NUBPL: variants seen among roughly 807,000 people sequenced by gnomAD.
NUBPL encodes the protein NUBP iron-sulfur cluster assembly factor, mitochondrial.
A neutral mutation model predicts 45.7 loss-of-function variants in NUBPL; 31 were observed. The observed-to-expected ratio is 0.68, with a 90% CI of 0.51 to 0.92. The LOEUF (loss-of-function observed/expected upper bound fraction) is 0.92. Ranked by LOEUF, NUBPL falls within the 40% of genes least tolerant of loss-of-function variation. The probability of loss-of-function intolerance (pLI) is 0.00; values close to 1 mark genes in which losing one functional copy is unlikely to be tolerated. For missense variants in NUBPL, 401 were observed against 398.7 expected (o/e 1.01, Z -0.05); for synonymous variants, 144 against 140.9 (o/e 1.02, Z -0.15).
chr14:31,742,680 T>G (rs910348445), intron 6 of NUBPL, among the ~76,000 whole-genome samples: 1 of 152,160 alleles, frequency 6.6e-6, no homozygotes, highest in Non-Finnish European at 1.5e-5. Context: ...CTCAGCTCAC[T>G]GCAACCTCCA....
intron 4 of NUBPL, among the ~76,000 whole-genome samples, chr14:31,659,137 G>T (rs2139764317): frequency 6.6e-6 from 1 of 152,274 alleles, no homozygotes; most frequent in Middle Eastern, 3.4e-3. Context: ...GCCCCATAAG[G>T]CTGTTGTAAG....
rs552578214 is a variant in NUBPL at position 31,601,730 on chromosome 14, C to G, written c.382+2351C>G. Among the ~76,000 whole-genome samples the G allele has an allele frequency of 1.4e-4, 22 of 152,258 alleles. No individual in the cohort carries two copies. The East Asian group carries it at 2.1e-3, about 15-fold the overall frequency. On this transcript the variant is annotated intron_variant, in intron 4 of 10. Coordinates refer to ENST00000281081, the MANE Select transcript of NUBPL (RefSeq NM_025152.3). ...ATTAGAATGGCAGTCATTAAAAAGT[C>G]AGGAAACAACAGGTGCTGGAGAGGA... is the stretch of plus-strand genomic sequence containing the variant.
intron 3 of NUBPL, among the ~76,000 whole-genome samples, chr14:31,578,230 A>G (rs897109187): frequency 6.6e-6 from 1 of 152,212 alleles, no homozygotes; most frequent in Non-Finnish European, 1.5e-5. Flanking sequence ...CAAAACCCCA[A>G]AAACTTGTTT....
chr14:31,649,508 C>T (rs2035944156), intron 4 of NUBPL, among the ~76,000 whole-genome samples: 1 of 152,054 alleles, frequency 6.6e-6, no homozygotes, highest in African/African-American at 2.4e-5. Context: ...ATGATATACG[C>T]AACAAGATTT....
intron 6 of NUBPL, among the ~76,000 whole-genome samples, chr14:31,703,823 G>T (rs1247126260): frequency 6.6e-6 from 1 of 152,202 alleles, no homozygotes; most frequent in African/African-American, 2.4e-5. Flanking sequence ...GATTTTATTG[G>T]AAGCCTTTTT....
rs182055093 is a variant in NUBPL at position 31,625,765 on chromosome 14, T to C, written c.382+26386T>C. Reference sequence around the variant, plus strand: ...TGCTGAAATTATAGGCATAAGCCACTGTGCCCGGCTGCTATGTCTGAGGGG... The same window carrying C: ...TGCTGAAATTATAGGCATAAGCCACCGTGCCCGGCTGCTATGTCTGAGGGG... On this transcript the variant is annotated intron_variant, in intron 4 of 10. Transcript: ENST00000281081. 9.2e-5 allele frequency among the ~76,000 whole-genome samples: 14 copies of C among 152,252 alleles called. No homozygotes were observed. In the East Asian group the frequency reaches 2.7e-3, roughly 29 times the overall value.
intron 6 of NUBPL, among the ~76,000 whole-genome samples, chr14:31,727,980 T>C (rs1045522702): frequency 6.6e-6 from 1 of 152,196 alleles, no homozygotes. Context: ...CTGGGCATTA[T>C]TATAAAAGAA....
intron 7 of NUBPL, among the ~76,000 whole-genome samples, chr14:31,809,324 T>G (rs1423446554): frequency 6.6e-6 from 1 of 152,210 alleles, no homozygotes; most frequent in Non-Finnish European, 1.5e-5. Flanking sequence ...GAGATTCAGC[T>G]TCTTCCTGGT....
intron 4 of NUBPL, among the ~76,000 whole-genome samples, chr14:31,612,221 A>ATT (rs1301793669): frequency 6.6e-6 from 1 of 152,272 alleles, no homozygotes; most frequent in East Asian, 1.9e-4. Flanking sequence ...TTTAATGGCA[A>ATT]AAACTGCAAT....
intron 6 of NUBPL, among the ~76,000 whole-genome samples, chr14:31,730,687 C>G (rs1032430172): frequency 3.3e-5 from 5 of 151,986 alleles, no homozygotes; most frequent in Non-Finnish European, 5.9e-5. Context: ...AGGATGGTCT[C>G]GATCTCCTGA....
chr14:31,827,200 T>G (rs1220975954), intron 8 of NUBPL, among the ~76,000 whole-genome samples: 1 of 151,990 alleles, frequency 6.6e-6, no homozygotes, highest in East Asian at 1.9e-4. Flanking sequence ...ACAAAATAAT[T>G]AAAATTAGAT....
At chr14:31,602,188 A>G (rs1247990695) in intron 4 of NUBPL, among the ~76,000 whole-genome samples, 2 of 151,856 alleles carry the variant, frequency 1.3e-5, no homozygotes, top group African/African-American at 4.8e-5. Context: ...GAATTGAACA[A>G]TGAGAACACA....
intron 6 of NUBPL, among the ~76,000 whole-genome samples, chr14:31,689,826 T>C (rs773632361): frequency 5.3e-5 from 8 of 152,226 alleles, no homozygotes; most frequent in Admixed American, 6.5e-5. Context: ...CCATCTTGAG[T>C]TGATTTTTAC....
intron 6 of NUBPL, among the ~76,000 whole-genome samples, chr14:31,758,707 A>G (rs2038729983): frequency 1.3e-5 from 2 of 152,338 alleles, no homozygotes; most frequent in South Asian, 2.1e-4. Flanking sequence ...AGATGAGACC[A>G]TAAAATTATA....
In NUBPL at chr14:31,859,125, C is replaced by T; in HGVS notation, c.905C>T (p.Ala302Val). Residue 302 changes from alanine (A) to valine (V), a missense_variant, in exon 11 of 11, where the codon GCT becomes GTT. By Grantham distance (64) the Ala-to-Val change is moderately conservative (BLOSUM62 0). Coordinates refer to ENST00000281081, the MANE Select transcript of NUBPL (RefSeq NM_025152.3). ...FSQPESDEAK[A>V]YLRIAVEVVR... ...AAGTTTGTTCTTTTCCAGGCCAAAG[C>T]TTACTTGAGGATTGCTGTGGAAGTG... The T allele has an allele frequency of 2.5e-6, 4 of 1,613,712 alleles. No homozygotes were observed. The highest frequency in any genetic ancestry group is 3.4e-6 in the Non-Finnish European group (4 of 1,179,752).
intron 10 of NUBPL, among the ~76,000 whole-genome samples, chr14:31,857,033 G>A (rs1566601749): frequency 6.6e-6 from 1 of 152,178 alleles, no homozygotes; most frequent in African/African-American, 2.4e-5. Flanking sequence ...CACTGCCCTA[G>A]CAGAGGTTCT....
intron 3 of NUBPL, among the ~76,000 whole-genome samples, chr14:31,568,061 C>A (rs1283028953): frequency 6.6e-6 from 1 of 152,112 alleles, no homozygotes; most frequent in East Asian, 1.9e-4. Flanking sequence ...GGGAGATAAA[C>A]ATATATGTTT....
At chr14:31,589,205 A>G (rs944948366) in intron 3 of NUBPL, among the ~76,000 whole-genome samples, 6 of 152,030 alleles carry the variant, frequency 3.9e-5, no homozygotes, top group Admixed American at 3.9e-4. Flanking sequence ...TTATAGCATC[A>G]TTTTCTAGGT....
At chr14:31,706,228 TA>T (rs1462536493) in intron 6 of NUBPL, among the ~76,000 whole-genome samples, 1 of 152,080 alleles carries the variant, frequency 6.6e-6, no homozygotes, top group African/African-American at 2.4e-5. Flanking sequence ...TCCTGCTGGA[TA>T]GGGGCAAAGA....
Sources: allele counts gnomAD v4.1 joint callset (sites outside exome capture counted in the v4.1 genomes callset), GRCh38; gene constraint gnomAD v4.1.1; transcripts MANE v1.5; gene names NCBI Gene and HGNC (gene_info 2026-07-23, HGNC 2026-07-21).